Variants in TTC3 observed in about 807,000 individuals in gnomAD.
The protein encoded by TTC3 is tetratricopeptide repeat domain 3, also known as E3 ubiquitin-protein ligase TTC3.
A neutral mutation model predicts 249.6 loss-of-function variants in TTC3; 180 were observed. That is an observed-to-expected ratio of 0.72 (90% CI 0.64 to 0.82). TTC3 has a LOEUF of 0.82. TTC3 is among the 40% of genes least tolerant of loss of function. The pLI is 0.00. For synonymous variants in TTC3, 717 were observed against 805.0 expected (o/e 0.89, Z 1.85); for missense variants, 2,061 against 2,398.4 (o/e 0.86, Z 2.94).
intron 11 of TTC3, among the ~76,000 whole-genome samples, chr21:37,111,667 A>G (rs1160419694): frequency 6.6e-6 from 1 of 152,216 alleles, no homozygotes; most frequent in African/African-American, 2.4e-5. Context: ...AAGGATATCC[A>G]GGAATTGAAC....
At chr21:37,086,334 T>C (rs2072467219) in intron 1 of TTC3, 1 of 152,118 alleles carries the variant, frequency 6.6e-6, no homozygotes, top group Admixed American at 6.5e-5. Flanking sequence ...AAGAAAGCCA[T>C]TATATGGGCA....
At chr21:37,116,668 G>A (rs1046996840) in intron 11 of TTC3, among the ~76,000 whole-genome samples, 1 of 151,886 alleles carries the variant, frequency 6.6e-6, no homozygotes, top group African/African-American at 2.4e-5. Context: ...AAAAATTACT[G>A]GATGTTGTGG....
exon 19 of TTC3, chr21:37,138,674 A>G (rs779423896): frequency 3.1e-6 from 5 of 1,612,772 alleles, no homozygotes; most frequent in Non-Finnish European, 4.2e-6. Context: ...TTGGTCGTCT[A>G]TGGACTTGCC....
chr21:37,199,176 G>A (rs768517098), intron 44 of TTC3, among the ~76,000 whole-genome samples: 23 of 152,168 alleles, frequency 1.5e-4, no homozygotes, highest in South Asian at 1.0e-3. Context: ...GGTCTTCTCA[G>A]CCTTGGGGTG....
intron 1 of TTC3, chr21:37,083,439 G>A: frequency 1.0e-6 from 1 of 978,756 alleles, no homozygotes; most frequent in Non-Finnish European, 1.2e-6. Flanking sequence ...GACCAGTTAG[G>A]AGACTGCTTG....
intron 11 of TTC3, among the ~76,000 whole-genome samples, chr21:37,111,259 C>T (rs2075632714): frequency 6.6e-6 from 1 of 152,138 alleles, no homozygotes; most frequent in Non-Finnish European, 1.5e-5. Flanking sequence ...CACAGACTGG[C>T]ATATTGGATA....
chr21:37,197,474 T>G, intron 42 of TTC3, 96 bp from the exon 43 acceptor site: 1 of 1,457,980 alleles, frequency 6.9e-7, no homozygotes, highest in Non-Finnish European at 9.5e-7. Flanking sequence ...TTGTCTTTGT[T>G]TCTTTGGGTT....
At chr21:37,141,534 C>T (rs1333858921) in intron 20 of TTC3, among the ~76,000 whole-genome samples, 1 of 151,946 alleles carries the variant, frequency 6.6e-6, no homozygotes, top group African/African-American at 2.4e-5. Context: ...CTTTGGGAGG[C>T]CAGTGGGTGA....
chr21:37,153,433 G>A (rs999597754), intron 27 of TTC3, 156 bp downstream of exon 27: 1 of 714,068 alleles, frequency 1.4e-6, no homozygotes, highest in African/African-American at 1.8e-5. Context: ...CCAGCTACTT[G>A]GGAGGCGGAG....
At chr21:37,199,407 C>T (rs2085270488) in intron 44 of TTC3, among the ~76,000 whole-genome samples, 1 of 152,222 alleles carries the variant, frequency 6.6e-6, no homozygotes, top group South Asian at 2.1e-4. Flanking sequence ...GTGCTGTGAG[C>T]TGCAGGGAGA....
At chr21:37,166,538 A>G (rs750850706) in exon 33 of TTC3, 4 of 1,614,074 alleles carry the variant, frequency 2.5e-6, no homozygotes, top group Non-Finnish European at 3.4e-6. Context: ...TGGAAATTCT[A>G]ACAACAAATG....
chr21:37,129,126 A>G (rs962149975), intron 16 of TTC3, 63 bp downstream of exon 16: 30 of 1,298,344 alleles, frequency 2.3e-5, no homozygotes, highest in African/African-American at 3.1e-5. Flanking sequence ...GAAAAAGGAA[A>G]AAAAATTGTT....
intron 11 of TTC3, among the ~76,000 whole-genome samples, chr21:37,112,097 G>C (rs2075722009): frequency 6.6e-6 from 1 of 152,018 alleles, no homozygotes; most frequent in African/African-American, 2.4e-5. Context: ...GAGAAAGCAG[G>C]AAAGATCTAA....
rs561394040 is a variant in TTC3 at position 37,158,187 on chromosome 21, T to G, written c.2992+1281T>G. The stretch of plus-strand genomic sequence containing the variant: ...ACTTGATAGCCTGAATTTATTGCCA[T>G]CAGTTTGCTGCTGCTGGTAATAAAA... On this transcript the variant is annotated intron_variant, in intron 28 of 45. Transcript: ENST00000355666. The G allele has an allele frequency of 1.6e-5, 16 of 985,446 alleles. No homozygotes were observed. In the East Asian group the frequency reaches 1.4e-3, roughly 84 times the overall value. The allele number at this position is 985,446 out of a possible 1,614,324, so 61.0% of individuals were successfully genotyped here.
intron 6 of TTC3, 98 bp from the exon 7 acceptor site, chr21:37,091,195 A>G: frequency 1.5e-6 from 2 of 1,318,940 alleles, no homozygotes; most frequent in Non-Finnish European, 2.1e-6. Flanking sequence ...GTTTTGTAGT[A>G]AGGATCTGAA....
chr21:37,174,094 C>T (rs888320165), intron 35 of TTC3, among the ~76,000 whole-genome samples: 4 of 151,968 alleles, frequency 2.6e-5, no homozygotes, highest in African/African-American at 2.4e-5. Flanking sequence ...TCTTTCTGGC[C>T]GAGGCTTTCC....
At chr21:37,120,292 G>T in intron 11 of TTC3, among the ~76,000 whole-genome samples, 1 of 152,184 alleles carries the variant, frequency 6.6e-6, no homozygotes, top group East Asian at 1.9e-4. Flanking sequence ...AAGCTTCATT[G>T]AAATAACTTC....
Position 37,139,442 on chromosome 21 carries a change from A to G in TTC3, c.1659+728A>G, listed in dbSNP as rs981791437. ...TTCTGAGGTTTTGAGTTTGCTATAAATGTTGAAATGCTCTAGAATTACCTC... is the reference window on the plus strand; with the variant it reads ...TTCTGAGGTTTTGAGTTTGCTATAAGTGTTGAAATGCTCTAGAATTACCTC... On this transcript the variant is annotated intron_variant, in intron 19 of 45. Coordinates refer to ENST00000355666, the Ensembl canonical transcript of TTC3. Among the ~76,000 whole-genome samples, 6 of 152,124 alleles carry G rather than the reference A, an allele frequency of 3.9e-5. No individual in the cohort carries two copies. In the East Asian group the frequency reaches 1.2e-3, roughly 29 times the overall value.
chr21:37,195,877 C>T (rs372206361), exon 42 of TTC3: 1 of 1,614,108 alleles, frequency 6.2e-7, no homozygotes, highest in African/African-American at 1.3e-5. Flanking sequence ...CTGACAGGGC[C>T]AAAACGGGCT....
Sources: gnomAD v4.1 joint callset for allele counts (sites outside exome capture counted in the v4.1 genomes callset) on GRCh38, gnomAD v4.1.1 for gene constraint, MANE v1.5 for transcripts, NCBI Gene and HGNC (gene_info 2026-07-23, HGNC 2026-07-21) for gene names.